Variants in SERPINB8 observed in about 807,000 individuals in gnomAD.
SERPINB8 encodes serpin B8.
SERPINB8 carries 25 observed loss-of-function variants against 35.3 expected under a neutral mutation model. That is an observed-to-expected ratio of 0.71 (90% CI 0.52 to 0.99). The LOEUF is 0.99. Among genes scored for constraint, SERPINB8 ranks in the 50% least tolerant of loss-of-function variants. The pLI, the probability that SERPINB8 is intolerant of heterozygous loss-of-function variation, is 0.00. For synonymous variants in SERPINB8, 186 were observed against 160.8 expected (o/e 1.16, Z -1.19); for missense variants, 484 against 446.5 (o/e 1.08, Z -0.76).
At chr18:63,986,675 A>C (rs1353191280) in intron 6 of SERPINB8, 199 bp from the exon 7 acceptor site, 1 of 1,380,090 alleles carries the variant, frequency 7.2e-7, no homozygotes, top group African/African-American at 1.5e-5. Context: ...GCTCTTTTAC[A>C]CTTGTCTCCA....
At chr18:63,980,724 G>C (rs1028797635) in intron 3 of SERPINB8, among the ~76,000 whole-genome samples, 1 of 152,204 alleles carries the variant, frequency 6.6e-6, no homozygotes, top group African/African-American at 2.4e-5. Flanking sequence ...ATCTACTACT[G>C]TTGTAATACT....
downstream of SERPINB8, among the ~76,000 whole-genome samples, chr18:63,989,779 T>G (rs1448677488): frequency 1.3e-5 from 2 of 151,200 alleles, no homozygotes; most frequent in Admixed American, 6.6e-5. Flanking sequence ...CCGTCTCTAC[T>G]AAAAATACAA....
At chr18:63,978,626 T>C in intron 2 of SERPINB8, 150 bp downstream of exon 2, 1 of 783,172 alleles carries the variant, frequency 1.3e-6, no homozygotes, top group Non-Finnish European at 2.0e-6. Flanking sequence ...CAGAAAGGGG[T>C]AGAAAGGTGA....
At chr18:64,002,753 C>G (rs1428522193) in intron 1 of SERPINB8, among the ~76,000 whole-genome samples, 1 of 152,100 alleles carries the variant, frequency 6.6e-6, no homozygotes, top group Non-Finnish European at 1.5e-5. Context: ...GGGTCCCCCA[C>G]GCGGCCCCAG....
chr18:63,974,878 C>T (rs892473231), intron 1 of SERPINB8, among the ~76,000 whole-genome samples: 1 of 151,954 alleles, frequency 6.6e-6, no homozygotes, highest in African/African-American at 2.4e-5. Flanking sequence ...TGTATTGTGG[C>T]TGCAGGGTAG....
intron 1 of SERPINB8, among the ~76,000 whole-genome samples, chr18:63,973,130 C>T (rs569213888): frequency 2.6e-4 from 40 of 152,328 alleles, no homozygotes; most frequent in African/African-American, 9.1e-4. Flanking sequence ...GTTCCTTTTT[C>T]TCCACATCCT....
intron 1 of SERPINB8, among the ~76,000 whole-genome samples, chr18:64,001,573 C>A (rs1263520809): frequency 6.6e-6 from 1 of 152,114 alleles, no homozygotes; most frequent in Non-Finnish European, 1.5e-5. Context: ...TCACTGCAAC[C>A]TCCGCCTCCT....
intron 7 of SERPINB8, among the ~76,000 whole-genome samples, chr18:64,012,188 C>A (rs2050928907): frequency 6.6e-6 from 1 of 152,028 alleles, no homozygotes; most frequent in South Asian, 2.1e-4. Context: ...TAAAAGAACT[C>A]TTTACATATT....
intron 2 of SERPINB8, among the ~76,000 whole-genome samples, chr18:63,979,537 T>C (rs902340636): frequency 1.3e-5 from 2 of 152,072 alleles, no homozygotes; most frequent in African/African-American, 4.8e-5. Context: ...ATCCCATAAC[T>C]GAGAGGTGCT....
At chr18:64,016,050 T>C (rs911939816) in intron 7 of SERPINB8, among the ~76,000 whole-genome samples, 1 of 152,146 alleles carries the variant, frequency 6.6e-6, no homozygotes, top group East Asian at 1.9e-4. Flanking sequence ...CCCTAGACAC[T>C]TTTCCCCCCT....
At chr18:63,995,769 C>A (rs2144836990) in intron 1 of SERPINB8, among the ~76,000 whole-genome samples, 1 of 152,336 alleles carries the variant, frequency 6.6e-6, no homozygotes, top group East Asian at 1.9e-4. Context: ...TCCTTCTGTT[C>A]ACTGCACAGA....
chr18:63,993,931 G>T (rs1471341762), downstream of SERPINB8, among the ~76,000 whole-genome samples: 2 of 152,158 alleles, frequency 1.3e-5, no homozygotes, highest in African/African-American at 4.8e-5. Context: ...GGGAGCAGAG[G>T]CCTTCGCTGA....
At chr18:63,972,950 T>C (rs1468229265) in intron 1 of SERPINB8, among the ~76,000 whole-genome samples, 1 of 152,258 alleles carries the variant, frequency 6.6e-6, no homozygotes, top group Non-Finnish European at 1.5e-5. Context: ...GCAATAAACA[T>C]ACATGTGCAT....
At chr18:63,986,311 C>A (rs1395104881) in intron 6 of SERPINB8, 3 of 1,608,268 alleles carry the variant, frequency 1.9e-6, no homozygotes, top group Admixed American at 3.4e-5. Context: ...AGGCAGAGGA[C>A]AAACAAGGAT....
chr18:63,971,058 C>T (rs2050469066), intron 1 of SERPINB8, among the ~76,000 whole-genome samples: 1 of 152,162 alleles, frequency 6.6e-6, no homozygotes, highest in Non-Finnish European at 1.5e-5. Context: ...CTGCCTCGGG[C>T]TCTGCGTAGA....
intron 1 of SERPINB8, among the ~76,000 whole-genome samples, chr18:64,002,583 G>T (rs951168474): frequency 3.3e-5 from 5 of 152,170 alleles, no homozygotes; most frequent in Non-Finnish European, 7.4e-5. Context: ...TCGTTTTGGA[G>T]TCCTCCTTGC....
rs547132746 is a variant in SERPINB8 at position 63,970,784 on chromosome 18, T to TC, written c.-11+622dup. ...GTTGCACCTTCTCCTTCCCTTCCTG[T>TC]CCCCCCCCTCCGTTCTTTCCACCCC... On this transcript the variant is annotated intron_variant, in intron 1 of 6. Transcript: ENST00000397985. Among the ~76,000 whole-genome samples, 386 of 151,644 alleles carry TC rather than the reference T, an allele frequency of 2.5e-3. 1 individual carries two copies. The highest frequency in any genetic ancestry group is 6.1e-3 in the African/African-American group (254 of 41,342).
At chr18:63,977,117 G>A (rs2050594595) in intron 1 of SERPINB8, among the ~76,000 whole-genome samples, 1 of 152,100 alleles carries the variant, frequency 6.6e-6, no homozygotes, top group South Asian at 2.1e-4. Context: ...ATAATTAGCA[G>A]CAATAGGGGG....
At chr18:63,986,439 A>C in intron 6 of SERPINB8, 1 of 1,433,736 alleles carries the variant, frequency 7.0e-7, no homozygotes, top group South Asian at 1.6e-5. Context: ...CCTCTGATTT[A>C]ACCCTGAATA....
Sources: gnomAD v4.1 joint callset for allele counts (sites outside exome capture counted in the v4.1 genomes callset) on GRCh38, gnomAD v4.1.1 for gene constraint, MANE v1.5 for transcripts, NCBI Gene and HGNC (gene_info 2026-07-23, HGNC 2026-07-21) for gene names.